Variants in IGSF21 observed in about 807,000 individuals in gnomAD.
IGSF21 encodes immunoglobulin superfamily member 21.
A neutral mutation model predicts 46.8 loss-of-function variants in IGSF21; 28 were observed. That is an observed-to-expected ratio of 0.60 (90% CI 0.44 to 0.82). The LOEUF (loss-of-function observed/expected upper bound fraction) is 0.82. Among genes scored for constraint, IGSF21 ranks in the 40% least tolerant of loss-of-function variants. The pLI, the probability that IGSF21 is intolerant of heterozygous loss-of-function variation, is 0.00. For synonymous variants in IGSF21, 284 were observed against 273.6 expected (o/e 1.04, Z -0.38); for missense variants, 624 against 665.5 (o/e 0.94, Z 0.69).
At chr1:18,126,136 G>C (rs533402304) in intron 1 of IGSF21, among the ~76,000 whole-genome samples, 57 of 152,294 alleles carry the variant, frequency 3.7e-4, no homozygotes, top group African/African-American at 1.3e-3. Flanking sequence ...AGGTGCCCCA[G>C]GGGACCACTT....
intron 3 of IGSF21, among the ~76,000 whole-genome samples, chr1:18,327,325 G>A (rs2085667226): frequency 6.6e-6 from 1 of 152,196 alleles, no homozygotes; most frequent in Non-Finnish European, 1.5e-5. Context: ...AAGCCATCAT[G>A]CAGCCACTTT....
intron 2 of IGSF21, among the ~76,000 whole-genome samples, chr1:18,234,340 A>G (rs1337106859): frequency 6.6e-6 from 1 of 152,206 alleles, no homozygotes; most frequent in East Asian, 1.9e-4. Flanking sequence ...CAGTCTTATC[A>G]TATCAGTCAC....
chr1:18,372,866 G>GGA (rs2086242451), intron 6 of IGSF21, among the ~76,000 whole-genome samples: 1 of 115,854 alleles, frequency 8.6e-6, no homozygotes, highest in African/African-American at 3.7e-5. Flanking sequence ...GGATGGATGG[G>GGA]TGGATGGATG....
At chr1:18,125,011 C>T in intron 1 of IGSF21, among the ~76,000 whole-genome samples, 1 of 152,034 alleles carries the variant, frequency 6.6e-6, no homozygotes, top group African/African-American at 2.4e-5. Flanking sequence ...CTCTCCTTCC[C>T]CAGAAAGTGT....
intron 1 of IGSF21, among the ~76,000 whole-genome samples, chr1:18,143,524 C>T (rs1264315880): frequency 6.6e-6 from 1 of 152,180 alleles, no homozygotes; most frequent in Non-Finnish European, 1.5e-5. Flanking sequence ...CTAATCCTCG[C>T]TTTCCTTGTC....
chr1:18,306,575 C>T (rs1413159872), intron 3 of IGSF21, among the ~76,000 whole-genome samples: 1 of 152,204 alleles, frequency 6.6e-6, no homozygotes, highest in Non-Finnish European at 1.5e-5. Flanking sequence ...CTCTGTCCCC[C>T]TAGCTTTCAG....
At chr1:18,270,466 C>T (rs534488011) in intron 2 of IGSF21, among the ~76,000 whole-genome samples, 19 of 152,324 alleles carry the variant, frequency 1.2e-4, no homozygotes, top group African/African-American at 4.1e-4. Context: ...AGGGCAGCCT[C>T]GGGCAAGAGG....
At chr1:18,224,662 A>C (rs1274562613) in intron 1 of IGSF21, among the ~76,000 whole-genome samples, 2 of 152,152 alleles carry the variant, frequency 1.3e-5, no homozygotes, top group Non-Finnish European at 2.9e-5. Context: ...TTCATGCATA[A>C]AGGAAAGACA....
At chr1:18,250,298 A>G (rs371771004) in intron 2 of IGSF21, among the ~76,000 whole-genome samples, 8 of 151,946 alleles carry the variant, frequency 5.3e-5, no homozygotes, top group African/African-American at 1.4e-4. Context: ...ATCTCCCTCA[A>G]CAGACTGGGA....
chr1:18,224,139 A>G (rs2084538547), intron 1 of IGSF21, among the ~76,000 whole-genome samples: 2 of 152,134 alleles, frequency 1.3e-5, no homozygotes, highest in South Asian at 4.1e-4. Context: ...GGTGTCCTTT[A>G]ATTTTGCACT....
chr1:18,319,320 TTGTG>T (rs2085575965), intron 3 of IGSF21, among the ~76,000 whole-genome samples: 1 of 152,264 alleles, frequency 6.6e-6, no homozygotes, highest in South Asian at 2.1e-4. Flanking sequence ...CTTTAGGAAT[TTGTG>T]TGTAACACAC....
At chr1:18,132,567 C>T (rs1570252840) in intron 1 of IGSF21, among the ~76,000 whole-genome samples, 1 of 152,166 alleles carries the variant, frequency 6.6e-6, no homozygotes, top group African/African-American at 2.4e-5. Flanking sequence ...GCAAAATGAC[C>T]GCAGAGATTT....
chr1:18,274,309 GAAGT>G (rs2085079628), intron 2 of IGSF21, among the ~76,000 whole-genome samples: 1 of 152,228 alleles, frequency 6.6e-6, no homozygotes, highest in Non-Finnish European at 1.5e-5. Flanking sequence ...CTGGGCTCAA[GAAGT>G]AAGTATGTAC....
At chr1:18,169,151 G>A (rs767794503) in intron 1 of IGSF21, among the ~76,000 whole-genome samples, 1 of 152,224 alleles carries the variant, frequency 6.6e-6, no homozygotes, top group Non-Finnish European at 1.5e-5. Context: ...CTCCCTCAGA[G>A]AAAGGCTCAG....
intron 3 of IGSF21, among the ~76,000 whole-genome samples, chr1:18,303,416 G>A (rs927434327): frequency 1.3e-5 from 2 of 152,300 alleles, no homozygotes; most frequent in African/African-American, 2.4e-5. Context: ...TGAGGAGGCT[G>A]AGCCCTATGC....
chr1:18,183,989 G>A (rs1228668977), intron 1 of IGSF21, among the ~76,000 whole-genome samples: 1 of 152,044 alleles, frequency 6.6e-6, no homozygotes, highest in Middle Eastern at 3.2e-3. Flanking sequence ...GAAGGGAGTG[G>A]GTATTTGCCG....
At chr1:18,111,206 G>A (rs1286609428) in intron 1 of IGSF21, 2 of 152,222 alleles carry the variant, frequency 1.3e-5, no homozygotes, top group African/African-American at 4.8e-5. Flanking sequence ...AGCCCCAACT[G>A]GGGGAGTTAA....
At chr1:18,152,545 C>T (rs866270322) in intron 1 of IGSF21, among the ~76,000 whole-genome samples, 1 of 152,200 alleles carries the variant, frequency 6.6e-6, no homozygotes, top group African/African-American at 2.4e-5. Flanking sequence ...CCTCTCTGAA[C>T]CTTAGCTCGC....
At chr1:18,288,705 C>T (rs544246026) in intron 2 of IGSF21, among the ~76,000 whole-genome samples, 1 of 152,316 alleles carries the variant, frequency 6.6e-6, no homozygotes, top group Non-Finnish European at 1.5e-5. Context: ...GCTGGCCCCA[C>T]CTGAGCGTGT....
Sources: gnomAD v4.1 joint callset for allele counts (sites outside exome capture counted in the v4.1 genomes callset) on GRCh38, gnomAD v4.1.1 for gene constraint, MANE v1.5 for transcripts, NCBI Gene and HGNC (gene_info 2026-07-23, HGNC 2026-07-21) for gene names.